Variants in APCDD1L observed in about 807,000 individuals in gnomAD.
The protein encoded by APCDD1L is protein APCDD1-like.
APCDD1L carries 21 observed loss-of-function variants against 24.2 expected under a neutral mutation model. The observed-to-expected ratio is 0.87, with a 90% CI of 0.61 to 1.25. APCDD1L has a LOEUF of 1.25. APCDD1L is among the 50% of genes most tolerant of loss of function. APCDD1L has a pLI of 0.00. For missense variants in APCDD1L, 704 were observed against 711.7 expected, an observed-to-expected ratio of 0.99 and a Z score of 0.12; for synonymous variants, 321 against 323.6, an observed-to-expected ratio of 0.99 and a Z score of 0.09.
At position 58,514,657 on chromosome 20, in the gene APCDD1L, A is replaced by C; in HGVS notation, c.49+2T>G. ...TGCCGGGTGGGGGAGGGTGGCACCTACCTCCCAAAAGCACCAGGACGCAAG... is the reference window on the plus strand; with the variant it reads ...TGCCGGGTGGGGGAGGGTGGCACCTCCCTCCCAAAAGCACCAGGACGCAAG... On this transcript the variant is annotated splice_donor_variant, in intron 1 of 3. Coordinates refer to ENST00000371149, the MANE Select transcript of APCDD1L (RefSeq NM_153360.3). LOFTEE classifies it high-confidence loss of function. 1 of 1,314,004 alleles carries C rather than the reference A, an allele frequency of 7.6e-7. No homozygotes were observed. Among genetic ancestry groups the C allele is most frequent in the Non-Finnish European group, 9.8e-7 (1 of 1,024,234 alleles). The allele number at this position is 1,314,004 out of a possible 1,614,324, so 81.4% of individuals were successfully genotyped here. A position where few individuals can be genotyped will look rare whatever the true frequency, so the allele number is the denominator to read the frequency against.
intron 1 of APCDD1L, among the ~76,000 whole-genome samples, chr20:58,511,610 T>A (rs559644946): frequency 6.6e-6 from 1 of 152,362 alleles, no homozygotes; most frequent in East Asian, 1.9e-4. Context: ...CCACAGTGAT[T>A]CATCTTCGAG....
intron 1 of APCDD1L, chr20:58,513,720 G>A (rs147451863): frequency 1.3e-5 from 6 of 454,734 alleles, no homozygotes; most frequent in Admixed American, 2.6e-5. Flanking sequence ...ACGTGCTCTC[G>A]TAATCTTCAC....
At position 58,467,229 on chromosome 20, in the gene APCDD1L, C is replaced by T. The variant is rs545744002; in HGVS notation, c.618G>A (p.Gln206=). 3.1e-5 allele frequency: 49 copies of T among 1,597,226 alleles called. No individual in the cohort carries two copies. In the Admixed American group the frequency reaches 8.1e-4, roughly 26 times the overall value. Residue 206 remains glutamine (Q), a synonymous_variant, in exon 3 of 4, where the codon CAG becomes CAA. Coordinates refer to ENST00000371149, the MANE Select transcript of APCDD1L (RefSeq NM_153360.3). The surrounding 1 kb of genome is among the most constrained non-coding windows in gnomAD (Gnocchi z 5.9). ...GCCGGGGCGACGCCCGGGGCTGCGG[C>T]TGCAGGCGGCGCTGCACGCGGACCA... is the stretch of plus-strand genomic sequence containing the variant. The part of the protein sequence containing the change: ...LSLVRVQRRL[Q]PQPRASPRLV...
chr20:58,478,075 G>A (rs893343728), intron 1 of APCDD1L, among the ~76,000 whole-genome samples: 3 of 151,954 alleles, frequency 2.0e-5, no homozygotes, highest in Non-Finnish European at 4.4e-5. Flanking sequence ...TTATTTTGTT[G>A]CTCAAATTGT....
At chr20:58,513,011 G>A (rs1006173184) in intron 1 of APCDD1L, among the ~76,000 whole-genome samples, 12 of 150,642 alleles carry the variant, frequency 8.0e-5, no homozygotes, top group Admixed American at 5.3e-4. Flanking sequence ...AGCCAGCCAC[G>A]GCTCTACACT....
intron 3 of APCDD1L, among the ~76,000 whole-genome samples, chr20:58,464,056 CA>C (rs1030790485): frequency 2.6e-4 from 39 of 152,072 alleles, no homozygotes; most frequent in Middle Eastern, 3.4e-3. Flanking sequence ...CAAATGGCTG[CA>C]AAAATGTTTG....
chr20:58,469,050 G>A (rs1430620176), intron 2 of APCDD1L, among the ~76,000 whole-genome samples: 5 of 152,090 alleles, frequency 3.3e-5, no homozygotes, highest in Admixed American at 1.3e-4. Flanking sequence ...TTAGAACTTC[G>A]GGTTGGCAAC....
chr20:58,475,595 CG>C (rs984419380), intron 1 of APCDD1L, among the ~76,000 whole-genome samples: 94 of 152,150 alleles, frequency 6.2e-4, no homozygotes, highest in African/African-American at 2.1e-3. Flanking sequence ...GCACGGAAGA[CG>C]GAGGGAGGAG....
In APCDD1L at chr20:58,497,821, T is replaced by C. The variant is rs1990353191; in HGVS notation, c.49+16838A>G. On this transcript the variant is annotated intron_variant, in intron 1 of 3. Transcript: ENST00000371149. This position sits in a 1 kb window ranked among gnomAD's most constrained non-coding sequence, Gnocchi z 4.3. ...TCACATGGCTGGTGGAGAAGGGACC[T>C]TGTGCGGCCTCTATTAATAGATTCT... Among the ~76,000 whole-genome samples, 1 of 152,188 alleles carries C rather than the reference T, an allele frequency of 6.6e-6. No individual in the cohort carries two copies. Among genetic ancestry groups the C allele is most frequent in the East Asian group, 1.9e-4 (1 of 5,192 alleles).
chr20:58,463,894 T>TGG (rs35696336), intron 3 of APCDD1L, among the ~76,000 whole-genome samples: 2,933 of 51,820 alleles, frequency 0.057, 238 homozygotes, highest in East Asian at 0.15. Context: ...AGTTTTTTTT[T>TGG]GGGGGGGGGG....
rs1291584152 is a variant in APCDD1L, at chr20:58,460,886, T to A, written c.1410A>T (p.Pro470=). ...PDFSRPPQHR[P]SLQKHPSTGG... is the part of the protein sequence containing the mutation. ...CTGTGCTGGGGTGCTTCTGCAGCGA[T>A]GGCCTGTGCTGCGGTGGCCTGGAGA... Residue 470 remains proline (P), a synonymous_variant, in exon 4 of 4, where the codon CCA becomes CCT. Coordinates refer to ENST00000371149, the MANE Select transcript of APCDD1L (RefSeq NM_153360.3). The surrounding 1 kb of genome is among the most constrained non-coding windows in gnomAD (Gnocchi z 4.2). The A allele has an allele frequency of 6.2e-7, 1 of 1,600,328 alleles. No individual in the cohort carries two copies. Among genetic ancestry groups the A allele is most frequent in the Non-Finnish European group, 8.5e-7 (1 of 1,171,472 alleles).
intron 1 of APCDD1L, among the ~76,000 whole-genome samples, chr20:58,484,235 A>T (rs1990078684): frequency 6.6e-6 from 1 of 152,254 alleles, no homozygotes; most frequent in Admixed American, 6.5e-5. Context: ...AAAAAGAATA[A>T]ATCAGAAAAT....
chr20:58,467,556 G>T lies in APCDD1L; in HGVS notation c.291C>A (p.Cys97Ter). ...AHQFYYEDPF[C>*]GEPAHSLLVK... ...CGAGCAGCGAGTGGGCAGGTTCCCC[G>T]CAGAAGGGGTCCTCGTAGTAGAACT... Residue 97 changes from cysteine to a stop codon, truncating the protein, a stop_gained, in exon 3 of 4, where the codon TGC becomes TGA. Coordinates refer to ENST00000371149, the MANE Select transcript of APCDD1L (RefSeq NM_153360.3). LOFTEE classifies it high-confidence loss of function. This position sits in a 1 kb window ranked among gnomAD's most constrained non-coding sequence, Gnocchi z 5.9. 2 of 1,584,168 alleles carry T rather than the reference G, an allele frequency of 1.3e-6. No homozygotes were observed. Among genetic ancestry groups the T allele is most frequent in the Non-Finnish European group, 8.6e-7 (1 of 1,165,156 alleles).
At chr20:58,514,486 G>A (rs1990699550) in intron 1 of APCDD1L, among the ~76,000 whole-genome samples, 173 bp downstream of exon 1, 1 of 152,256 alleles carries the variant, frequency 6.6e-6, no homozygotes, top group South Asian at 2.1e-4. Flanking sequence ...GCTCCTGGAG[G>A]CGCGCAGGTG....
chr20:58,479,371 A>G (rs943585182), intron 1 of APCDD1L, among the ~76,000 whole-genome samples: 2 of 152,318 alleles, frequency 1.3e-5, no homozygotes, highest in Non-Finnish European at 2.9e-5. Flanking sequence ...CCCTGTGACT[A>G]CATGGCCAGA....
chr20:58,473,715 G>C (rs928151412), intron 1 of APCDD1L, among the ~76,000 whole-genome samples: 1 of 152,210 alleles, frequency 6.6e-6, no homozygotes, highest in African/African-American at 2.4e-5. Flanking sequence ...GATAGACGGA[G>C]TTAAATGCAT....
intron 1 of APCDD1L, among the ~76,000 whole-genome samples, chr20:58,511,065 C>A (rs1249738925): frequency 6.6e-6 from 1 of 152,212 alleles, no homozygotes; most frequent in Non-Finnish European, 1.5e-5. Context: ...TGGCCATATA[C>A]CATCTTGTTG....
rs1989570584 is a variant in APCDD1L at position 58,460,337 on chromosome 20, T to C, written c.*453A>G. 1 of 159,268 alleles carries C rather than the reference T, an allele frequency of 6.3e-6. No individual in the cohort carries two copies. Among genetic ancestry groups the C allele is most frequent in the Admixed American group, 6.4e-5 (1 of 15,538 alleles). 9.9% of individuals were successfully genotyped at this position (159,268 alleles called of 1,614,324 possible). ...ATCTTTAAACAACAACCTACAGACA[T>C]GGCAGAACTGTAGGCCTCGTCCCTA... On this transcript the variant is annotated 3_prime_UTR_variant, in exon 4 of 4. Coordinates refer to ENST00000371149, the MANE Select transcript of APCDD1L (RefSeq NM_153360.3). The surrounding 1 kb of genome is among the most constrained non-coding windows in gnomAD (Gnocchi z 4.2).
intron 1 of APCDD1L, among the ~76,000 whole-genome samples, chr20:58,511,691 C>T (rs184461048): frequency 3.3e-5 from 5 of 152,196 alleles, no homozygotes; most frequent in Admixed American, 6.5e-5. Flanking sequence ...GTAACTAATA[C>T]GATTACGGGT....
Sources: gnomAD v4.1 joint callset for allele counts (sites outside exome capture counted in the v4.1 genomes callset) on GRCh38, gnomAD v4.1.1 for gene constraint, Gnocchi (gnomAD v3.1) non-coding constraint, MANE v1.5 for transcripts, NCBI Gene and HGNC (gene_info 2026-07-23, HGNC 2026-07-21) for gene names.